The following ZSWIM9 variants were observed in gnomAD, a reference collection of about 807,000 sequenced individuals.
ZSWIM9 encodes uncharacterized protein ZSWIM9.
ZSWIM9 carries 11 observed loss-of-function variants against 25.0 expected under a neutral mutation model. The observed-to-expected ratio is 0.44, with a 90% CI of 0.28 to 0.73. The LOEUF is 0.73. Among genes scored for constraint, ZSWIM9 ranks in the 30% least tolerant of loss-of-function variants. The probability of loss-of-function intolerance (pLI) is 0.16; values close to 1 mark genes in which losing one functional copy is unlikely to be tolerated. For missense variants in ZSWIM9, 1,070 were observed against 1,296.5 expected (o/e 0.83, Z 2.68); for synonymous variants, 562 against 582.1 (o/e 0.97, Z 0.50).
Position 48,197,387 on chromosome 19 carries a change from AG to A in ZSWIM9, c.*562del. Reference sequence around the variant, plus strand: ...AGCAGGAGAGGAAGGGACGGGATGTAGGAGGGGGAAGAAAAATCGGAGATGA... The same window carrying A: ...AGCAGGAGAGGAAGGGACGGGATGTAGAGGGGGAAGAAAAATCGGAGATGA... On this transcript the variant is annotated 3_prime_UTR_variant, in exon 4 of 4. Coordinates refer to ENST00000614654, the MANE Select transcript of ZSWIM9 (RefSeq NM_199341.4). 1 of 645,888 alleles carries A rather than the reference AG, an allele frequency of 1.5e-6. No homozygotes were observed. The highest frequency in any genetic ancestry group is 2.8e-6 in the Non-Finnish European group (1 of 359,752). The allele number at this position is 645,888 out of a possible 1,614,324, so 40.0% of individuals were successfully genotyped here.
In ZSWIM9 at chr19:48,182,983, G is replaced by GTAGT; in HGVS notation, c.588+217_588+220dup. The GTAGT allele has an allele frequency of 3.5e-6, 2 of 575,512 alleles. No individual in the cohort carries two copies. Among genetic ancestry groups the GTAGT allele is most frequent in the East Asian group, 5.8e-5 (2 of 34,266 alleles). The allele number at this position is 575,512 out of a possible 1,614,324, so 35.7% of individuals were successfully genotyped here. On this transcript the variant is annotated intron_variant, in intron 3 of 3. Transcript: ENST00000614654. The surrounding 1 kb of genome is among the most constrained non-coding windows in gnomAD (Gnocchi z 4.6). Reference sequence around the variant, plus strand: ...GTCCGCAGAGAGCTTACCTTCTAGGGTAGTGCTGCCCAGTAGAACTTTCTT... The same window carrying GTAGT: ...GTCCGCAGAGAGCTTACCTTCTAGGGTAGTTAGTGCTGCCCAGTAGAACTTTCTT...
chr19:48,182,553 C>T lies in ZSWIM9; in HGVS notation c.374C>T (p.Pro125Leu), dbSNP rs1448629182. The change falls in exon 3 of 4, where the codon CCG (proline) becomes CTG (leucine). Residue 125 changes from proline (P) to leucine (L), a missense_variant. This residue lies in a region of ZSWIM9 where 265 missense variants were observed against 339.0 expected (regional missense o/e 0.78). Transcript: ENST00000614654. The surrounding 1 kb of genome is among the most constrained non-coding windows in gnomAD (Gnocchi z 4.6). ...GAGTGCCAGCTGACCCACTCACACC[C>T]GGCCTGCCCGCTGGAGTTCGCCTAC... ...VTECQLTHSH[P>L]ACPLEFAYYF... 2.0e-6 allele frequency: 3 copies of T among 1,535,898 alleles called. No individual in the cohort carries two copies. The highest frequency in any genetic ancestry group is 1.2e-5 in the South Asian group (1 of 84,048).
intron 2 of ZSWIM9, chr19:48,180,747 CTTTTTTCT>C (rs2036939277): frequency 6.8e-6 from 1 of 147,008 alleles, no homozygotes; most frequent in Non-Finnish European, 1.5e-5. Context: ...TTCTTTTTTT[CTTTTTTCT>C]TTTTTTTTTT....
chr19:48,194,908 G>A lies in ZSWIM9; in HGVS notation c.844G>A (p.Ala282Thr). ...CGCGCTCGCGTCGCTGCTGCAGAGC[G>A]CGCCAGACGTCAAGGGCCGCGTGCG... ...RFALASLLQS[A>T]PDVKGRVRCL... Residue 282 changes from alanine to threonine, a missense_variant, in exon 4 of 4, where the codon GCG (alanine) becomes ACG (threonine). Ala to Thr is a moderately conservative substitution (Grantham distance 58). Coordinates refer to ENST00000614654, the MANE Select transcript of ZSWIM9 (RefSeq NM_199341.4). The surrounding 1 kb of genome is among the most constrained non-coding windows in gnomAD (Gnocchi z 6.0). 1.5e-6 allele frequency: 2 copies of A among 1,308,558 alleles called. 1 individual carries two copies. Among genetic ancestry groups the A allele is most frequent in the Non-Finnish European group, 1.9e-6 (2 of 1,031,198 alleles). 81.1% of individuals were successfully genotyped at this position (1,308,558 alleles called of 1,614,324 possible). A position where few individuals can be genotyped will look rare whatever the true frequency, so the allele number is the denominator to read the frequency against.
Position 48,176,063 on chromosome 19 carries a change from G to A in ZSWIM9, c.275+3986G>A, listed in dbSNP as rs367841398. On this transcript the variant is annotated intron_variant, in intron 2 of 3. Coordinates refer to ENST00000614654, the MANE Select transcript of ZSWIM9 (RefSeq NM_199341.4). ...TGTACTAAAAATACAAAAATTAGCC[G>A]GGCCTGGTGGCAGGTGCCTGTAATC... is the stretch of plus-strand genomic sequence containing the variant. Among the ~76,000 whole-genome samples the A allele has an allele frequency of 5.9e-5, 9 of 152,146 alleles. 1 individual carries two copies. Among genetic ancestry groups the A allele is most frequent in the Middle Eastern group, 3.4e-3 (1 of 294 alleles).
rs1211190664 is a variant in ZSWIM9, at chr19:48,182,519, G to T, written c.340G>T (p.Val114Leu). 5 of 1,535,776 alleles carry T rather than the reference G, an allele frequency of 3.3e-6. No homozygotes were observed. Among genetic ancestry groups the T allele is most frequent in the African/African-American group, 2.7e-5 (2 of 73,026 alleles). The change falls in exon 3 of 4, where the codon GTG (valine) becomes TTG (leucine). Residue 114 changes from valine (V) to leucine (L), a missense_variant. Val to Leu is a conservative substitution (Grantham distance 32). This residue lies in a region of ZSWIM9 where 265 missense variants were observed against 339.0 expected (regional missense o/e 0.78). Transcript: ENST00000614654. The surrounding 1 kb of genome is among the most constrained non-coding windows in gnomAD (Gnocchi z 4.6). ...GCTGAGCCCGCTGCGGGACCGCCTC[G>T]TGGTGACGGAGTGCCAGCTGACCCA... Reference protein sequence around the residue: ...VKLSPLRDRLVVTECQLTHSH... With the variant: ...VKLSPLRDRLLVTECQLTHSH...
intron 2 of ZSWIM9, among the ~76,000 whole-genome samples, chr19:48,175,963 T>C (rs1001266981): frequency 3.3e-4 from 51 of 152,290 alleles, no homozygotes; most frequent in Admixed American, 3.3e-3. Context: ...CCCAACACTT[T>C]GGGAGGCCGA....
chr19:48,171,333 C>T lies in ZSWIM9; in HGVS notation c.-9-461C>T, dbSNP rs1298135297. On this transcript the variant is annotated intron_variant, in intron 1 of 3. Coordinates refer to ENST00000614654, the MANE Select transcript of ZSWIM9 (RefSeq NM_199341.4). Reference sequence around the variant, plus strand: ...TGGAGCGTCTTTGGAGGGGTTACAGCCAACTGTTGGCACATGGAAGGAGGA... The same window carrying T: ...TGGAGCGTCTTTGGAGGGGTTACAGTCAACTGTTGGCACATGGAAGGAGGA... 5.1e-6 allele frequency: 5 copies of T among 985,140 alleles called. No individual in the cohort carries two copies. In the East Asian group the frequency reaches 4.5e-4, roughly 89 times the overall value. The allele number at this position is 985,140 out of a possible 1,614,324, so 61.0% of individuals were successfully genotyped here.
At chr19:48,192,471 A>ATGT (rs1568582371) in intron 3 of ZSWIM9, among the ~76,000 whole-genome samples, 3 of 36,358 alleles carry the variant, frequency 8.3e-5, no homozygotes, top group African/African-American at 1.9e-4. Flanking sequence ...AAAAAAAAAA[A>ATGT]AAAAAAAAAA....
At position 48,172,031 on chromosome 19, in the gene ZSWIM9, C is replaced by T. The variant is rs1384961081; in HGVS notation, c.229C>T (p.Arg77Trp). The part of the protein sequence containing the change: ...LIDVLKYSYV[R>W]LVCKDVRAPS... ...CGACGTGCTCAAGTACAGCTACGTG[C>T]GGCTTGTGTGCAAGGACGTGCGTGC... Residue 77 changes from arginine (R) to tryptophan (W), a missense_variant, in exon 2 of 4, where the codon CGG (arginine) becomes TGG (tryptophan). By Grantham distance (101) the Arg-to-Trp change is moderately radical. Around this residue, in one of 4 missense-constraint regions of ZSWIM9, gnomAD observed 265 missense variants for 339.0 expected, o/e 0.78. Transcript: ENST00000614654. 2.6e-6 allele frequency: 4 copies of T among 1,514,516 alleles called. No individual in the cohort carries two copies. Among genetic ancestry groups the T allele is most frequent in the East Asian group, 2.5e-5 (1 of 39,252 alleles). The allele number at this position is 1,514,516 out of a possible 1,614,324, so 93.8% of individuals were successfully genotyped here. A position where few individuals can be genotyped will look rare whatever the true frequency, so the allele number is the denominator to read the frequency against.
intron 3 of ZSWIM9, among the ~76,000 whole-genome samples, chr19:48,192,498 T>TATATATATATATACACACACAC (rs369454865): frequency 4.8e-5 from 1 of 20,766 alleles, no homozygotes; most frequent in Admixed American, 7.6e-4. Flanking sequence ...TATATATATA[T>TATATATATATATACACACACAC]ACACACACAC....
At chr19:48,172,125 GGGGTGGGTGT>G in intron 2 of ZSWIM9, 48 bp downstream of exon 2, 3 of 1,442,306 alleles carry the variant, frequency 2.1e-6, no homozygotes, top group Non-Finnish European at 2.8e-6. Context: ...GGGAGCACCG[GGGGTGGGTGT>G]GGGTGGGAGA....
In ZSWIM9 at chr19:48,171,856, G is replaced by A. The variant is rs962216993; in HGVS notation, c.54G>A (p.Glu18=). Residue 18 remains glutamate (E), a synonymous_variant, in exon 2 of 4, where the codon GAG becomes GAA. Coordinates refer to ENST00000614654, the MANE Select transcript of ZSWIM9 (RefSeq NM_199341.4). ...PGTAAGQEEQ[E]LRERAFFSWA... ...CGGCTGCGGGGCAGGAGGAGCAGGA[G>A]CTGCGGGAGCGGGCCTTCTTCTCGT... 6.5e-7 allele frequency: 1 copy of A among 1,535,036 alleles called. No individual in the cohort carries two copies. The highest frequency in any genetic ancestry group is 1.4e-5 in the African/African-American group (1 of 73,028).
chr19:48,185,854 C>T (rs2037005182), intron 3 of ZSWIM9, among the ~76,000 whole-genome samples: 1 of 152,174 alleles, frequency 6.6e-6, no homozygotes, highest in African/African-American at 2.4e-5. Flanking sequence ...GGCATGGTGG[C>T]AGGTGCCTGT....
In ZSWIM9 at chr19:48,182,668, C is replaced by T. The variant is rs1456062703; in HGVS notation, c.489C>T (p.Asp163=). The change falls in exon 3 of 4, where the codon GAC becomes GAT. Residue 163 remains aspartate (D), a synonymous_variant. Transcript: ENST00000614654. The surrounding 1 kb of genome is among the most constrained non-coding windows in gnomAD (Gnocchi z 4.6). ...KISKQFVAPA[D]VRRLLSYCKG... Reference sequence around the variant, plus strand: ...CCAAGCAGTTCGTGGCCCCAGCCGACGTGCGCCGCCTGCTGTCCTACTGCA... The same window carrying T: ...CCAAGCAGTTCGTGGCCCCAGCCGATGTGCGCCGCCTGCTGTCCTACTGCA... 2.0e-6 allele frequency: 3 copies of T among 1,535,808 alleles called. No homozygotes were observed. The highest frequency in any genetic ancestry group is 2.6e-6 in the Non-Finnish European group (3 of 1,146,650).
At chr19:48,174,408 G>A (rs1327918672) in intron 2 of ZSWIM9, among the ~76,000 whole-genome samples, 1 of 152,108 alleles carries the variant, frequency 6.6e-6, no homozygotes, top group Non-Finnish European at 1.5e-5. Flanking sequence ...AACATGGGGT[G>A]GCTGGTTAAG....
At position 48,182,516 on chromosome 19, in the gene ZSWIM9, C is replaced by G. The variant is rs913718828; in HGVS notation, c.337C>G (p.Leu113Val). Reference protein sequence around the residue: ...IVKLSPLRDRLVVTECQLTHS... With the variant: ...IVKLSPLRDRVVVTECQLTHS... ...CAAGCTGAGCCCGCTGCGGGACCGC[C>G]TCGTGGTGACGGAGTGCCAGCTGAC... Residue 113 changes from leucine (L) to valine (V), a missense_variant, in exon 3 of 4, where the codon CTC becomes GTC. Transcript: ENST00000614654. The surrounding 1 kb of genome is among the most constrained non-coding windows in gnomAD (Gnocchi z 4.6). The G allele has an allele frequency of 2.0e-6, 3 of 1,535,814 alleles. No individual in the cohort carries two copies. Among genetic ancestry groups the G allele is most frequent in the African/African-American group, 2.7e-5 (2 of 73,048 alleles).
rs1274718409 is a variant in ZSWIM9 at position 48,195,220 on chromosome 19, G to A, written c.1156G>A (p.Asp386Asn). The A allele has an allele frequency of 1.3e-6, 2 of 1,528,022 alleles. No individual in the cohort carries two copies. Among genetic ancestry groups the A allele is most frequent in the East Asian group, 5.0e-5 (2 of 40,190 alleles). The allele number at this position is 1,528,022 out of a possible 1,614,324, so 94.7% of individuals were successfully genotyped here. A position where few individuals can be genotyped will look rare whatever the true frequency, so the allele number is the denominator to read the frequency against. ...YFERNWEPRR[D>N]MWVRFRAFEA... ...CGAGCGCAACTGGGAGCCCCGCCGC[G>A]ACATGTGGGTCCGCTTCCGCGCCTT... Residue 386 changes from aspartate (D) to asparagine (N), a missense_variant, in exon 4 of 4, where the codon GAC becomes AAC. By Grantham distance (23) the Asp-to-Asn change is conservative. Around this residue, in one of 4 missense-constraint regions of ZSWIM9, gnomAD observed 184 missense variants for 243.1 expected, o/e 0.76. Coordinates refer to ENST00000614654, the MANE Select transcript of ZSWIM9 (RefSeq NM_199341.4). The surrounding 1 kb of genome is among the most constrained non-coding windows in gnomAD (Gnocchi z 5.8).
At chr19:48,175,827 C>T (rs1311714329) in intron 2 of ZSWIM9, among the ~76,000 whole-genome samples, 1 of 152,170 alleles carries the variant, frequency 6.6e-6, no homozygotes, top group Admixed American at 6.5e-5. Context: ...CTCAGCACTT[C>T]CCTCCCTGGA....
Sources: allele counts gnomAD v4.1 joint callset (sites outside exome capture counted in the v4.1 genomes callset), GRCh38; gene constraint gnomAD v4.1.1; regional missense constraint gnomAD v4.1.1; non-coding constraint Gnocchi (gnomAD v3.1); transcripts MANE v1.5; gene names NCBI Gene and HGNC (gene_info 2026-07-23, HGNC 2026-07-21).